WASHC2A: variants seen among roughly 807,000 people sequenced by gnomAD.
WASHC2A encodes WASH complex subunit FAM21A.
Under a neutral mutation model 140.3 loss-of-function variants are expected in WASHC2A, and 82 were observed. That is an observed-to-expected ratio of 0.58 (90% CI 0.49 to 0.70). The LOEUF (loss-of-function observed/expected upper bound fraction) is 0.70. Ranked by LOEUF, WASHC2A falls within the 30% of genes least tolerant of loss-of-function variation. The pLI is 0.00. For synonymous variants in WASHC2A, 340 were observed against 560.8 expected, an observed-to-expected ratio of 0.61 and a Z score of 5.56; for missense variants, 985 against 1,521.8, an observed-to-expected ratio of 0.65 and a Z score of 5.87.
In WASHC2A at chr10:50,106,375, G is replaced by A. The variant is rs1809318691; in HGVS notation, c.1779G>A (p.Leu593=). The change falls in exon 19 of 31, where the codon TTG becomes TTA. Residue 593 remains leucine, a synonymous_variant. Coordinates refer to ENST00000282633, the MANE Select transcript of WASHC2A (RefSeq NM_001005751.3). The part of the protein sequence containing the change: ...FGGTAAKKQT[L]CLQAQREEKA... Reference sequence around the variant, plus strand: ...GTACAGCTGCTAAGAAGCAGACATTGTGTCTACAAGCTCAGAGAGAAGAGA... The same window carrying A: ...GTACAGCTGCTAAGAAGCAGACATTATGTCTACAAGCTCAGAGAGAAGAGA... The A allele has an allele frequency of 6.2e-7, 1 of 1,611,962 alleles. No homozygotes were observed. Among genetic ancestry groups the A allele is most frequent in the Non-Finnish European group, 8.5e-7 (1 of 1,179,866 alleles).
intron 10 of WASHC2A, among the ~76,000 whole-genome samples, chr10:50,091,904 C>T (rs1451700987): frequency 2.6e-5 from 4 of 152,132 alleles, no homozygotes; most frequent in South Asian, 2.1e-4. Context: ...AAAGATAACA[C>T]AATAATTCTT....
chr10:50,133,371 A>T lies in WASHC2A; in HGVS notation c.*426A>T. 1 of 477,884 alleles carries T rather than the reference A, an allele frequency of 2.1e-6. No individual in the cohort carries two copies. The highest frequency in any genetic ancestry group is 4.3e-6 in the Non-Finnish European group (1 of 233,328). 29.6% of individuals were successfully genotyped at this position (477,884 alleles called of 1,614,324 possible). A position where few individuals can be genotyped will look rare whatever the true frequency, so the allele number is the denominator to read the frequency against. On this transcript the variant is annotated 3_prime_UTR_variant, in exon 31 of 31. Transcript: ENST00000282633. ...GAAAGAAGGTGAGAGATTATACTTC[A>T]TGAGTCTTAGCAATATGGGAGCAGG...
intron 3 of WASHC2A, among the ~76,000 whole-genome samples, chr10:50,077,666 T>C (rs1247309487): frequency 6.6e-6 from 1 of 152,200 alleles, no homozygotes. Context: ...TTTAAAAAAT[T>C]TTAATTTCAT....
rs1386423123 is a variant in WASHC2A, at chr10:50,077,181, C to T, written c.292-1494C>T. On this transcript the variant is annotated intron_variant, in intron 3 of 30. Transcript: ENST00000282633. Reference sequence around the variant, plus strand: ...TGGTGGTGCCCGCCTGTAATCCCAACTACTCGGGAGGCTGAGACAAGAGAA... The same window carrying T: ...TGGTGGTGCCCGCCTGTAATCCCAATTACTCGGGAGGCTGAGACAAGAGAA... 7.6e-4 allele frequency among the ~76,000 whole-genome samples: 115 copies of T among 151,008 alleles called. 1 individual carries two copies. The highest frequency in any genetic ancestry group is 3.6e-3 in the Middle Eastern group (1 of 280).
intron 2 of WASHC2A, 23 bp downstream of exon 2, chr10:50,068,250 G>A: frequency 6.5e-7 from 1 of 1,549,616 alleles, no homozygotes; most frequent in Non-Finnish European, 8.7e-7. Flanking sequence ...CCCCGGGGAC[G>A]CGAGAGCGGC....
chr10:50,088,953 CTTTCCTTTTTTTT>C, intron 8 of WASHC2A, among the ~76,000 whole-genome samples: 1 of 62,526 alleles, frequency 1.6e-5, no homozygotes, highest in African/African-American at 6.2e-5. Flanking sequence ...AACAGTTTTT[CTTTCCTTTTTTTT>C]TTTTTTTTTT....
chr10:50,080,633 C>CT lies in WASHC2A; in HGVS notation c.355-119dup, dbSNP rs1316099505. On this transcript the variant is annotated intron_variant, in intron 4 of 30. Coordinates refer to ENST00000282633, the MANE Select transcript of WASHC2A (RefSeq NM_001005751.3). The stretch of plus-strand genomic sequence containing the variant: ...TGTCAAGGCATTCAGCAGAATTTGA[C>CT]TTTTTTAACATTTTTAATAAGTTTT... 3.1e-5 allele frequency: 5 copies of CT among 163,780 alleles called. No individual in the cohort carries two copies. In the East Asian group the frequency reaches 6.3e-4, roughly 20 times the overall value. 10.1% of individuals were successfully genotyped at this position (163,780 alleles called of 1,614,324 possible).
chr10:50,068,039 C>T (rs782459295), intron 1 of WASHC2A, 31 bp downstream of exon 1: 4 of 1,607,940 alleles, frequency 2.5e-6, no homozygotes, highest in Non-Finnish European at 3.4e-6. Context: ...AGAGGCCGGC[C>T]TGGGCTGGGG....
Position 50,128,155 on chromosome 10 carries a change from C to T in WASHC2A, c.3087+360C>T, listed in dbSNP as rs1003856501. Among the ~76,000 whole-genome samples the T allele has an allele frequency of 8.6e-5, 13 of 151,380 alleles. 1 individual carries two copies. The highest frequency in any genetic ancestry group is 2.0e-4 in the East Asian group (1 of 5,090). Reference sequence around the variant, plus strand: ...TCCTCACTACTCCAAGGAGAGCATTCGGGCTCCTGGGTTTGGTATGAAACC... The same window carrying T: ...TCCTCACTACTCCAAGGAGAGCATTTGGGCTCCTGGGTTTGGTATGAAACC... On this transcript the variant is annotated intron_variant, in intron 28 of 30. Coordinates refer to ENST00000282633, the MANE Select transcript of WASHC2A (RefSeq NM_001005751.3).
Position 50,127,638 on chromosome 10 carries a change from C to T in WASHC2A, c.2930C>T (p.Ser977Phe). 2 of 1,607,280 alleles carry T rather than the reference C, an allele frequency of 1.2e-6. No homozygotes were observed. The highest frequency in any genetic ancestry group is 2.2e-5 in the South Asian group (2 of 90,612). Residue 977 changes from serine (S) to phenylalanine (F), a missense_variant, in exon 28 of 31, where the codon TCT (serine) becomes TTT (phenylalanine). Physicochemically the swap from Ser to Phe is radical, Grantham distance 155. Coordinates refer to ENST00000282633, the MANE Select transcript of WASHC2A (RefSeq NM_001005751.3). ...CTGCCCACAGCGGCTTCCCAGATCT[C>T]TGAAGTAAAGCCTGTTTTGCCAGAA... ...ALLPTAASQI[S>F]EVKPVLPELA...
At chr10:50,079,815 T>A (rs1258634850) in intron 4 of WASHC2A, among the ~76,000 whole-genome samples, 3 of 151,852 alleles carry the variant, frequency 2.0e-5, no homozygotes, top group Non-Finnish European at 2.9e-5. Context: ...GTACTATTTT[T>A]AAAAACTGCT....
In WASHC2A at chr10:50,133,075, T is replaced by C; in HGVS notation, c.*130T>C. 1.3e-6 allele frequency: 2 copies of C among 1,561,072 alleles called. No individual in the cohort carries two copies. Among genetic ancestry groups the C allele is most frequent in the Non-Finnish European group, 1.7e-6 (2 of 1,151,806 alleles). On this transcript the variant is annotated 3_prime_UTR_variant, in exon 31 of 31. Transcript: ENST00000282633. ...AACAGCTAGCTCATCGTTCACCCAA[T>C]GTACTTGGTATTTTTCTGCACTGGT...
intron 17 of WASHC2A, among the ~76,000 whole-genome samples, chr10:50,101,308 G>A (rs1476506732): frequency 1.3e-5 from 2 of 152,426 alleles, no homozygotes; most frequent in Admixed American, 1.3e-4. Context: ...GCCACTCTGA[G>A]GAATGCTGTT....
At chr10:50,110,362 T>G in intron 20 of WASHC2A, 92 bp downstream of exon 20, 1 of 1,557,618 alleles carries the variant, frequency 6.4e-7, no homozygotes, top group Non-Finnish European at 8.8e-7. Flanking sequence ...GGGTGATTGC[T>G]AATCATGGAT....
chr10:50,090,538 T>TTATA lies in WASHC2A; in HGVS notation c.733-228_733-225dup, dbSNP rs1287651401. 2.9e-3 allele frequency among the ~76,000 whole-genome samples: 245 copies of TTATA among 84,962 alleles called. 1 individual carries two copies. The Middle Eastern group carries it at 0.034, about 12-fold the overall frequency. The allele number at this position is 84,962 out of a possible 152,430, so 55.7% of individuals were successfully genotyped here. A position where few individuals can be genotyped will look rare whatever the true frequency, so the allele number is the denominator to read the frequency against. Reference sequence around the variant, plus strand: ...AAAATATATATATATATATTTATATTTATATATATATATTTATATTTTATA... The same window carrying TTATA: ...AAAATATATATATATATATTTATATTTATATATATATATATATTTATATTTTATA... On this transcript the variant is annotated intron_variant, in intron 8 of 30. Coordinates refer to ENST00000282633, the MANE Select transcript of WASHC2A (RefSeq NM_001005751.3).
At chr10:50,100,152 T>G (rs1196996763) in intron 17 of WASHC2A, 88 bp downstream of exon 17, 1 of 1,417,786 alleles carries the variant, frequency 7.1e-7, no homozygotes, top group African/African-American at 1.4e-5. Flanking sequence ...TCAATAGAGT[T>G]ATAAGACTTT....
chr10:50,070,265 A>G (rs1250299129), intron 3 of WASHC2A, among the ~76,000 whole-genome samples: 1 of 152,200 alleles, frequency 6.6e-6, no homozygotes, highest in Non-Finnish European at 1.5e-5. Flanking sequence ...GTAGGAATAC[A>G]TAGGTAAATT....
chr10:50,102,279 C>G (rs1231765857), intron 17 of WASHC2A, among the ~76,000 whole-genome samples: 9 of 152,196 alleles, frequency 5.9e-5, no homozygotes, highest in African/African-American at 1.7e-4. Flanking sequence ...GGAATGCGTC[C>G]TGACTCCTTT....
At chr10:50,087,999 A>G (rs1237244223) in intron 8 of WASHC2A, among the ~76,000 whole-genome samples, 1 of 151,546 alleles carries the variant, frequency 6.6e-6, no homozygotes, top group Non-Finnish European at 1.5e-5. Context: ...TTGTATTTTT[A>G]GTAGAGATGG....
Sources: gnomAD v4.1 joint callset for allele counts (sites outside exome capture counted in the v4.1 genomes callset) on GRCh38, gnomAD v4.1.1 for gene constraint, MANE v1.5 for transcripts, NCBI Gene and HGNC (gene_info 2026-07-23, HGNC 2026-07-21) for gene names.